Variants in RBFOX1 observed in about 807,000 individuals in gnomAD.
RBFOX1 encodes the protein RNA binding protein fox-1 homolog 1.
Under a neutral mutation model 57.7 loss-of-function variants are expected in RBFOX1, and 8 were observed. The ratio of observed to expected loss-of-function variants is 0.14; its 90% confidence interval spans 0.08 to 0.25. The LOEUF (loss-of-function observed/expected upper bound fraction) is 0.25. Ranked by LOEUF, RBFOX1 falls within the 10% of genes least tolerant of loss-of-function variation. RBFOX1 has a pLI of 1.00. For synonymous variants in RBFOX1, 326 were observed against 222.4 expected, an observed-to-expected ratio of 1.47 and a Z score of -4.15; for missense variants, 611 against 548.5, an observed-to-expected ratio of 1.11 and a Z score of -1.14.
At chr16:6,968,641 C>T (rs1261510816) in intron 3 of RBFOX1, among the ~76,000 whole-genome samples, 1 of 152,034 alleles carries the variant, frequency 6.6e-6, no homozygotes, top group East Asian at 1.9e-4. Context: ...CACAACGTGC[C>T]ACCATCCCAC....
intron 4 of RBFOX1, among the ~76,000 whole-genome samples, chr16:5,964,845 A>G (rs1248851965): frequency 1.3e-5 from 2 of 152,124 alleles, no homozygotes; most frequent in East Asian, 1.9e-4. Context: ...CACACACACA[A>G]TGACCTTAGA....
chr16:6,661,982 C>T (rs1303686519), intron 3 of RBFOX1, among the ~76,000 whole-genome samples: 1 of 152,036 alleles, frequency 6.6e-6, no homozygotes, highest in East Asian at 1.9e-4. Context: ...CCATGTGCAA[C>T]AAGATAGATG....
chr16:5,965,488 C>T (rs1302424808), intron 4 of RBFOX1, among the ~76,000 whole-genome samples: 1 of 152,130 alleles, frequency 6.6e-6, no homozygotes, highest in African/African-American at 2.4e-5. Flanking sequence ...CTGTAAGTGG[C>T]ATGCTTCAAC....
At chr16:6,291,780 T>C (rs796900854) in intron 1 of RBFOX1, among the ~76,000 whole-genome samples, 3 of 152,212 alleles carry the variant, frequency 2.0e-5, no homozygotes, top group African/African-American at 7.2e-5. Context: ...CCTTTAAATA[T>C]TGAAACCTTG....
chr16:7,442,973 T>A (rs1267388214), intron 4 of RBFOX1, among the ~76,000 whole-genome samples: 1 of 152,204 alleles, frequency 6.6e-6, no homozygotes, highest in East Asian at 1.9e-4. Context: ...GATTTATACC[T>A]TTCTCCCATA....
intron 3 of RBFOX1, among the ~76,000 whole-genome samples, chr16:5,799,878 T>A (rs1325942878): frequency 6.6e-6 from 1 of 152,134 alleles, no homozygotes; most frequent in Non-Finnish European, 1.5e-5. Flanking sequence ...TTTGATTTTT[T>A]AAAATTAATT....
chr16:6,219,739 G>A (rs2097359632), intron 1 of RBFOX1, among the ~76,000 whole-genome samples: 1 of 152,020 alleles, frequency 6.6e-6, no homozygotes, highest in South Asian at 2.1e-4. Flanking sequence ...AGCCAGCTGT[G>A]GTGTTGGGTG....
intron 2 of RBFOX1, among the ~76,000 whole-genome samples, chr16:6,593,596 G>T (rs1387478604): frequency 6.6e-6 from 1 of 152,120 alleles, no homozygotes; most frequent in Non-Finnish European, 1.5e-5. Context: ...CTTCATGATA[G>T]AATTCCTGGT....
At chr16:7,110,549 T>G (rs1012835312) in intron 4 of RBFOX1, among the ~76,000 whole-genome samples, 1 of 152,160 alleles carries the variant, frequency 6.6e-6, no homozygotes, top group African/African-American at 2.4e-5. Flanking sequence ...TCTAAGAACT[T>G]CGAGTACACA....
chr16:6,523,240 C>T (rs2096533142), intron 2 of RBFOX1, among the ~76,000 whole-genome samples: 1 of 151,676 alleles, frequency 6.6e-6, no homozygotes, highest in Non-Finnish European at 1.5e-5. Context: ...TTGGGAAATA[C>T]CTGAGGAGGG....
chr16:7,131,714 C>CTT (rs2070459533), intron 4 of RBFOX1, among the ~76,000 whole-genome samples: 1 of 151,948 alleles, frequency 6.6e-6, no homozygotes, highest in African/African-American at 2.4e-5. Context: ...AGCATAACCG[C>CTT]ATACATCTGA....
intron 4 of RBFOX1, among the ~76,000 whole-genome samples, chr16:6,008,859 A>G (rs767811145): frequency 3.9e-5 from 6 of 152,172 alleles, no homozygotes; most frequent in Non-Finnish European, 7.3e-5. Context: ...TGCCTTACGG[A>G]ATAATGGCAA....
intron 1 of RBFOX1, among the ~76,000 whole-genome samples, chr16:5,454,846 TTTCTTTCTTTTCTTTCTTTCTTTCTTTC>T (rs1458281320): frequency 1.1e-4 from 15 of 134,344 alleles, no homozygotes; most frequent in Non-Finnish European, 2.1e-4. Flanking sequence ...CTTTCCTTTC[TTTCTTTCTTTTCTTTCTTTCTTTCTTTC>T]TTTCTTTCTT....
At chr16:7,632,093 G>C (rs1464946115) in intron 11 of RBFOX1, among the ~76,000 whole-genome samples, 2 of 152,166 alleles carry the variant, frequency 1.3e-5, no homozygotes, top group African/African-American at 4.8e-5. Flanking sequence ...ATTTTTAGCA[G>C]AGATGAGGTT....
rs529520563 is a variant in RBFOX1, at chr16:7,606,142, G to A, written c.623-1143G>A. On this transcript the variant is annotated intron_variant, in intron 9 of 15. Transcript: ENST00000550418. Reference sequence around the variant, plus strand: ...GATTTTTTTTTTTTTTTTTTTTCCCGAGAGAGTCTCACACTGTCACCTGGG... The same window carrying A: ...GATTTTTTTTTTTTTTTTTTTTCCCAAGAGAGTCTCACACTGTCACCTGGG... 7.7e-4 allele frequency among the ~76,000 whole-genome samples: 69 copies of A among 89,154 alleles called. No individual in the cohort carries two copies. The South Asian group carries it at 9.0e-3, about 12-fold the overall frequency. 58.5% of individuals were successfully genotyped at this position (89,154 alleles called of 152,430 possible).
At chr16:5,522,037 C>T (rs563966363) in intron 2 of RBFOX1, among the ~76,000 whole-genome samples, 3 of 152,240 alleles carry the variant, frequency 2.0e-5, no homozygotes, top group African/African-American at 4.8e-5. Context: ...ACCCGGGATT[C>T]GACTGGGGTT....
chr16:7,045,765 C>G (rs1341033978), intron 3 of RBFOX1, among the ~76,000 whole-genome samples: 4 of 152,072 alleles, frequency 2.6e-5, no homozygotes, highest in Non-Finnish European at 5.9e-5. Flanking sequence ...AAGCAGTTCT[C>G]TTGCCTCAGC....
intron 3 of RBFOX1, among the ~76,000 whole-genome samples, chr16:6,868,193 A>G (rs7194903): frequency 0.76 from 115,955 of 152,074 alleles, 45,201 homozygotes; most frequent in East Asian, 0.92. Flanking sequence ...TCAGTGCTAC[A>G]TGTTACAGCC....
intron 3 of RBFOX1, among the ~76,000 whole-genome samples, chr16:5,716,606 A>G (rs2151521088): frequency 6.6e-6 from 1 of 152,388 alleles, no homozygotes; most frequent in East Asian, 1.9e-4. Context: ...TGCTGTTGGT[A>G]GGAGGATTGT....
Sources: gnomAD v4.1 joint callset for allele counts (sites outside exome capture counted in the v4.1 genomes callset) on GRCh38, gnomAD v4.1.1 for gene constraint, MANE v1.5 for transcripts, NCBI Gene and HGNC (gene_info 2026-07-23, HGNC 2026-07-21) for gene names.